Variants in IL1RAPL1 observed in about 807,000 individuals in gnomAD.
The protein encoded by IL1RAPL1 is interleukin 1 receptor accessory protein like 1.
Under a neutral mutation model 48.4 loss-of-function variants are expected in IL1RAPL1, and 3 were observed. That is an observed-to-expected ratio of 0.06 (90% confidence interval 0.03 to 0.16). IL1RAPL1 has a LOEUF of 0.16. IL1RAPL1 is among the 10% of genes least tolerant of loss of function. The pLI is 1.00. For synonymous variants in IL1RAPL1, 185 were observed against 187.7 expected (o/e 0.99, Z 0.12); for missense variants, 349 against 530.6 (o/e 0.66, Z 3.36).
intron 5 of IL1RAPL1, among the ~76,000 whole-genome samples, chrX:29,498,748 G>T (rs1025354959): frequency 9.0e-6 from 1 of 111,067 alleles, no homozygotes; most frequent in Non-Finnish European, 1.9e-5. Flanking sequence ...CATAAATTCA[G>T]AATAAACATA....
chrX:28,924,966 T>G (rs1357362177), intron 2 of IL1RAPL1, among the ~76,000 whole-genome samples: 1 of 112,106 alleles, frequency 8.9e-6, no homozygotes, highest in African/African-American at 3.2e-5. Flanking sequence ...TGCCACAGTT[T>G]ACACCTGCCA....
intron 5 of IL1RAPL1, among the ~76,000 whole-genome samples, chrX:29,438,097 G>T (rs1452439121): frequency 9.0e-6 from 1 of 110,994 alleles, no homozygotes; most frequent in African/African-American, 3.3e-5. Flanking sequence ...TTCATATTGA[G>T]TGAGTTGTCA....
intron 2 of IL1RAPL1, among the ~76,000 whole-genome samples, chrX:29,277,540 C>T (rs1407437262): frequency 9.0e-6 from 1 of 111,387 alleles, no homozygotes; most frequent in Non-Finnish European, 1.9e-5. Flanking sequence ...TTTCTCAGGC[C>T]GAAGTCAAGT....
At chrX:29,598,902 A>G (rs1178465256) in intron 5 of IL1RAPL1, among the ~76,000 whole-genome samples, 1 of 111,444 alleles carries the variant, frequency 9.0e-6, no homozygotes, top group Non-Finnish European at 1.9e-5. Context: ...CCTCCCCTTT[A>G]CCTTAAGATT....
chrX:29,684,213 G>C (rs1465884145), intron 6 of IL1RAPL1, among the ~76,000 whole-genome samples: 1 of 111,710 alleles, frequency 9.0e-6, no homozygotes, highest in African/African-American at 3.3e-5. Context: ...ATTTCTCACA[G>C]TTCTGGAGGA....
At chrX:29,449,780 C>CACACAGAGAGAGAGAG (rs557765024) in intron 5 of IL1RAPL1, among the ~76,000 whole-genome samples, 8 of 58,247 alleles carry the variant, frequency 1.4e-4, no homozygotes, top group East Asian at 6.5e-4. Context: ...CACACACACA[C>CACACAGAGAGAGAGAG]AGAGAGAGAG....
chrX:29,563,822 A>G (rs1335553900), intron 5 of IL1RAPL1, among the ~76,000 whole-genome samples: 1 of 112,092 alleles, frequency 8.9e-6, no homozygotes, highest in Non-Finnish European at 1.9e-5. Flanking sequence ...GAAATTGGCA[A>G]TCCTGTATCT....
chrX:28,974,900 GA>G (rs945268761), intron 2 of IL1RAPL1, among the ~76,000 whole-genome samples: 2 of 112,202 alleles, frequency 1.8e-5, no homozygotes, highest in African/African-American at 6.5e-5. Flanking sequence ...TAAGGAGATG[GA>G]GATTACTGGC....
intron 1 of IL1RAPL1, among the ~76,000 whole-genome samples, chrX:28,727,170 G>A (rs1935686905): frequency 9.0e-6 from 1 of 110,922 alleles, no homozygotes; most frequent in African/African-American, 3.3e-5. Context: ...CCAGGAGCAT[G>A]GAATGTTCTT....
At chrX:28,770,574 A>G (rs1432145577) in intron 1 of IL1RAPL1, among the ~76,000 whole-genome samples, 1 of 112,617 alleles carries the variant, frequency 8.9e-6, no homozygotes, top group Non-Finnish European at 1.9e-5. Context: ...ATGCAAAGAA[A>G]TTGAGAATAC....
intron 3 of IL1RAPL1, among the ~76,000 whole-genome samples, chrX:29,293,425 T>C (rs1932400259): frequency 1.8e-5 from 2 of 110,921 alleles, no homozygotes; most frequent in Non-Finnish European, 3.8e-5. Flanking sequence ...CTCTTTGAAA[T>C]CAATTGTGTC....
chrX:29,406,388 CA>C (rs5901920), intron 5 of IL1RAPL1, among the ~76,000 whole-genome samples: 37,890 of 94,207 alleles, frequency 0.4, 6,271 homozygotes, highest in Middle Eastern at 0.56. Flanking sequence ...GACTCTGTCT[CA>C]AAAAAAAAAA....
intron 1 of IL1RAPL1, among the ~76,000 whole-genome samples, chrX:28,646,318 T>C (rs1195376896): frequency 1.8e-5 from 2 of 112,036 alleles, no homozygotes; most frequent in Non-Finnish European, 3.8e-5. Context: ...ACTGTAATGC[T>C]TAATACTGGC....
chrX:29,046,017 T>G (rs1398734383), intron 2 of IL1RAPL1, among the ~76,000 whole-genome samples: 2 of 88,562 alleles, frequency 2.3e-5, no homozygotes, highest in African/African-American at 4.8e-5. Context: ...TGCTTCTTTT[T>G]CTTCTTCCTC....
intron 3 of IL1RAPL1, among the ~76,000 whole-genome samples, chrX:29,285,385 A>G (rs1447538997): frequency 9.3e-6 from 1 of 108,081 alleles, no homozygotes; most frequent in Non-Finnish European, 1.9e-5. Flanking sequence ...ATACAAAATT[A>G]GCCGGGCATG....
intron 5 of IL1RAPL1, among the ~76,000 whole-genome samples, chrX:29,647,951 A>G (rs1925387380): frequency 8.9e-6 from 1 of 112,033 alleles, no homozygotes; most frequent in Non-Finnish European, 1.9e-5. Context: ...AAGTGAAAGT[A>G]TGAAAAAGAT....
chrX:29,001,077 A>G (rs1925840605), intron 2 of IL1RAPL1, among the ~76,000 whole-genome samples: 1 of 110,724 alleles, frequency 9.0e-6, no homozygotes, highest in African/African-American at 3.3e-5. Flanking sequence ...AGAAATACAC[A>G]TTTATCTTCA....
At chrX:29,443,179 G>A (rs1416197382) in intron 5 of IL1RAPL1, among the ~76,000 whole-genome samples, 2 of 108,967 alleles carry the variant, frequency 1.8e-5, no homozygotes, top group Non-Finnish European at 3.8e-5. Flanking sequence ...CTCATTCAGA[G>A]TGGAAGTGGG....
chrX:29,922,621 C>T (rs1194288516), intron 8 of IL1RAPL1, among the ~76,000 whole-genome samples: 1 of 111,732 alleles, frequency 8.9e-6, no homozygotes, highest in African/African-American at 3.3e-5. Context: ...AAAGGACTTT[C>T]GTTCACATAT....
Sources: allele counts gnomAD v4.1 joint callset (sites outside exome capture counted in the v4.1 genomes callset), GRCh38; gene constraint gnomAD v4.1.1; transcripts MANE v1.5; gene names NCBI Gene and HGNC (gene_info 2026-07-23, HGNC 2026-07-21).